Variants in SLC66A3 observed in about 807,000 individuals in gnomAD.
SLC66A3 encodes the protein PQ loop repeat containing 3.
A neutral mutation model predicts 25.5 loss-of-function variants in SLC66A3; 23 were observed. The ratio of observed to expected loss-of-function variants is 0.90; its 90% CI spans 0.65 to 1.28. The LOEUF (loss-of-function observed/expected upper bound fraction) is 1.28, where lower values mean the gene tolerates loss of function less well. Among genes scored for constraint, SLC66A3 ranks in the 50% most tolerant of loss-of-function variants. The probability of loss-of-function intolerance (pLI) is 0.00; values close to 1 mark genes in which losing one functional copy is unlikely to be tolerated. For missense variants in SLC66A3, 246 were observed against 262.1 expected (o/e 0.94, Z 0.42); for synonymous variants, 108 against 112.6 (o/e 0.96, Z 0.26).
chr2:11,177,712 T>C (rs765155096), intron 6 of SLC66A3, 25 bp from the exon 7 acceptor site: 5 of 1,502,272 alleles, frequency 3.3e-6, no homozygotes, highest in Admixed American at 3.4e-5. Flanking sequence ...AGACAGTTTT[T>C]AATACACTTT....
intron 5 of SLC66A3, among the ~76,000 whole-genome samples, chr2:11,173,896 T>C (rs943689099): frequency 6.6e-6 from 1 of 152,246 alleles, no homozygotes; most frequent in Non-Finnish European, 1.5e-5. Context: ...CTTCCCCTTT[T>C]CTGGGCCTCA....
chr2:11,166,108 A>C (rs1320657400), intron 4 of SLC66A3, among the ~76,000 whole-genome samples: 1 of 152,174 alleles, frequency 6.6e-6, no homozygotes, highest in East Asian at 1.9e-4. Context: ...TCCTGACCTC[A>C]GATGATCCAC....
intron 5 of SLC66A3, among the ~76,000 whole-genome samples, chr2:11,173,654 G>A (rs1488716426): frequency 6.6e-6 from 1 of 152,206 alleles, no homozygotes; most frequent in Non-Finnish European, 1.5e-5. Flanking sequence ...ATGTCAATAT[G>A]TGCTAAATGC....
At chr2:11,172,739 T>A (rs1662598115) in intron 5 of SLC66A3, 1 of 433,556 alleles carries the variant, frequency 2.3e-6, no homozygotes, top group Admixed American at 2.5e-5. Flanking sequence ...TCTTTCTTTT[T>A]TCCTTTGACA....
chr2:11,170,789 C>T (rs1662522909), intron 4 of SLC66A3, among the ~76,000 whole-genome samples: 1 of 151,790 alleles, frequency 6.6e-6, no homozygotes. Flanking sequence ...CGGGGTTTCA[C>T]CATGTTGGCC....
At chr2:11,170,878 C>T (rs1420479139) in intron 4 of SLC66A3, among the ~76,000 whole-genome samples, 7 of 152,110 alleles carry the variant, frequency 4.6e-5, no homozygotes, top group South Asian at 2.1e-4. Context: ...CCTGAGCCAC[C>T]GCACCTGGCT....
chr2:11,160,797 A>G, intron 3 of SLC66A3, 103 bp downstream of exon 3: 2 of 1,376,990 alleles, frequency 1.5e-6, no homozygotes, highest in Non-Finnish European at 1.9e-6. Context: ...TTTTTTGGTT[A>G]AACTAAAAAA....
chr2:11,174,933 G>A (rs1186929123), intron 5 of SLC66A3, 35 bp from the exon 6 acceptor site: 22 of 1,572,570 alleles, frequency 1.4e-5, no homozygotes, highest in Non-Finnish European at 1.9e-5. Flanking sequence ...TGTCCGAGAG[G>A]CAAGTTACTT....
At chr2:11,169,477 C>A (rs1256272098) in intron 4 of SLC66A3, among the ~76,000 whole-genome samples, 5 of 152,182 alleles carry the variant, frequency 3.3e-5, no homozygotes, top group Non-Finnish European at 1.5e-5. Context: ...TCATTCATAT[C>A]TCGGTAGCTT....
chr2:11,177,814 A>T lies in SLC66A3; in HGVS notation c.595A>T (p.Ile199Leu). The T allele has an allele frequency of 1.2e-6, 2 of 1,600,778 alleles. No individual in the cohort carries two copies. The highest frequency in any genetic ancestry group is 1.7e-6 in the Non-Finnish European group (2 of 1,168,526). Residue 199 changes from isoleucine (I) to leucine (L), a missense_variant, in exon 7 of 7, where the codon ATA becomes TTA. Physicochemically the swap from Ile to Leu is conservative, Grantham distance 5. Around this residue, in one of 3 missense-constraint regions of SLC66A3, gnomAD observed 93 missense variants for 102.6 expected, o/e 0.91. Transcript: ENST00000295083. The part of the protein sequence containing the change: ...VTVLRYRKTA[I>L]KAE ...AGTACTTCGCTACCGGAAGACCGCT[A>T]TAAAGGCTGAATGATGGATACATTA...
chr2:11,177,701 A>AAGAC (rs1181232930), intron 6 of SLC66A3, 36 bp from the exon 7 acceptor site: 1 of 1,406,696 alleles, frequency 7.1e-7, no homozygotes, highest in Non-Finnish European at 1.0e-6. Flanking sequence ...CTGTATTGTA[A>AAGAC]AGACAGTTTT....
At chr2:11,170,545 C>G (rs971747404) in intron 4 of SLC66A3, among the ~76,000 whole-genome samples, 1 of 151,492 alleles carries the variant, frequency 6.6e-6, no homozygotes, top group Non-Finnish European at 1.5e-5. Flanking sequence ...TTTGTCAGTT[C>G]AGAACAGCAT....
At chr2:11,170,524 G>A (rs1210149808) in intron 4 of SLC66A3, among the ~76,000 whole-genome samples, 1 of 121,138 alleles carries the variant, frequency 8.3e-6, no homozygotes, top group Non-Finnish European at 2.0e-5. Context: ...GCGGCTTGCT[G>A]CTGGAGTTTG....
intron 1 of SLC66A3, among the ~76,000 whole-genome samples, chr2:11,158,415 C>T (rs569912850): frequency 6.6e-6 from 1 of 152,324 alleles, no homozygotes; most frequent in Admixed American, 6.5e-5. Flanking sequence ...GTAATCCCAG[C>T]ACTTTGGGAG....
intron 1 of SLC66A3, among the ~76,000 whole-genome samples, chr2:11,157,823 TC>T (rs1329243434): frequency 3.9e-5 from 6 of 152,114 alleles, no homozygotes; most frequent in Non-Finnish European, 7.4e-5. Context: ...GCTGGAGCCT[TC>T]CCCCTCGCAA....
chr2:11,165,300 AGACTGGGC>A (rs1473679553), intron 4 of SLC66A3, among the ~76,000 whole-genome samples: 1 of 148,948 alleles, frequency 6.7e-6, no homozygotes, highest in Admixed American at 6.6e-5. Flanking sequence ...CTCACTTCTC[AGACTGGGC>A]GGCGGGGCAG....
At chr2:11,176,897 A>C (rs1276963423) in intron 6 of SLC66A3, among the ~76,000 whole-genome samples, 1 of 147,874 alleles carries the variant, frequency 6.8e-6, no homozygotes, top group Non-Finnish European at 1.5e-5. Context: ...AGATATCTTA[A>C]ATCTCATTAA....
chr2:11,156,746 C>T (rs1661917758), intron 1 of SLC66A3, among the ~76,000 whole-genome samples: 1 of 151,946 alleles, frequency 6.6e-6, no homozygotes, highest in African/African-American at 2.4e-5. Context: ...GTGACCTCTT[C>T]CAGGCTTGTG....
chr2:11,160,713 A>G lies in SLC66A3; in HGVS notation c.296+19A>G. The G allele has an allele frequency of 6.2e-7, 1 of 1,613,310 alleles. No homozygotes were observed. The highest frequency in any genetic ancestry group is 8.5e-7 in the Non-Finnish European group (1 of 1,179,708). ...TCGCTGTGTATCCTTTCTGAATCTG[A>G]GCCAGAAGTGGGAACGGGGATGTTA... is the stretch of plus-strand genomic sequence containing the variant. On this transcript the variant is annotated intron_variant, in intron 3 of 6. Transcript: ENST00000295083.
Sources: gnomAD v4.1 joint callset for allele counts (sites outside exome capture counted in the v4.1 genomes callset) on GRCh38, gnomAD v4.1.1 for gene constraint, gnomAD v4.1.1 regional missense constraint, MANE v1.5 for transcripts, NCBI Gene and HGNC (gene_info 2026-07-23, HGNC 2026-07-21) for gene names.